Variants in NOVA2 observed in about 807,000 individuals in gnomAD.
NOVA2 encodes the protein NOVA alternative splicing regulator 2.
NOVA2 carries 9 observed loss-of-function variants against 22.5 expected under a neutral mutation model. That is an observed-to-expected ratio of 0.40 (90% CI 0.24 to 0.70). The LOEUF is 0.70. NOVA2 is among the 30% of genes least tolerant of loss of function. The probability of loss-of-function intolerance (pLI) is 0.38; values close to 1 mark genes in which losing one functional copy is unlikely to be tolerated. For missense variants in NOVA2, 383 were observed against 682.8 expected (o/e 0.56, Z 4.89); for synonymous variants, 318 against 335.2 (o/e 0.95, Z 0.56).
At chr19:45,941,309 A>AATATATATATATATATATATATATATAT (rs4039577) in intron 3 of NOVA2, among the ~76,000 whole-genome samples, 1 of 129,804 alleles carries the variant, frequency 7.7e-6, no homozygotes, top group African/African-American at 3.0e-5. Context: ...AAAATAAAAT[A>AATATATATATATATATATATATATATAT]ATATATATAT....
chr19:45,939,859 G>T lies in NOVA2; in HGVS notation c.*4C>A. On this transcript the variant is annotated 3_prime_UTR_variant, in exon 4 of 4. Transcript: ENST00000263257. ...GAAAAGGGTGGGAGCACACACCACA[G>T]GCCTCATCCCACTTTCTGGGGGTTT... The T allele has an allele frequency of 6.2e-7, 1 of 1,614,030 alleles. No individual in the cohort carries two copies. The highest frequency in any genetic ancestry group is 8.5e-7 in the Non-Finnish European group (1 of 1,179,970).
At position 45,938,215 on chromosome 19, in the gene NOVA2, G is replaced by A. The variant is rs1967685348; in HGVS notation, c.*1648C>T. 2 of 152,388 alleles carry A rather than the reference G, an allele frequency of 1.3e-5. No individual in the cohort carries two copies. The highest frequency in any genetic ancestry group is 4.8e-5 in the African/African-American group (2 of 41,514). The allele number at this position is 152,388 out of a possible 1,614,324, so 9.4% of individuals were successfully genotyped here. ...CCCTGAAATCTCAGTCTGCCAACAG[G>A]TCCTTAGAGCTGACCACAGCCACAG... is the stretch of plus-strand genomic sequence containing the variant. On this transcript the variant is annotated 3_prime_UTR_variant, in exon 4 of 4. Transcript: ENST00000263257.
chr19:45,948,556 C>T (rs571573315), intron 3 of NOVA2, among the ~76,000 whole-genome samples: 7 of 146,434 alleles, frequency 4.8e-5, no homozygotes, highest in African/African-American at 7.6e-5. Context: ...GCCGAGATTG[C>T]GCCATTGCAC....
intron 3 of NOVA2, among the ~76,000 whole-genome samples, chr19:45,953,518 G>A (rs143061914): frequency 2.0e-5 from 3 of 152,106 alleles, no homozygotes; most frequent in African/African-American, 4.8e-5. Context: ...AGAAAGGATC[G>A]AACAATAGGG....
intron 3 of NOVA2, among the ~76,000 whole-genome samples, chr19:45,953,324 C>G (rs759268482): frequency 1.3e-5 from 2 of 152,186 alleles, no homozygotes; most frequent in Non-Finnish European, 2.9e-5. Flanking sequence ...AATGAAACAC[C>G]ACCTCTACCC....
rs4039577 is a variant in NOVA2, at chr19:45,941,309, A to AATATATAT, written c.397-372_397-365dup. 3.4e-4 allele frequency among the ~76,000 whole-genome samples: 44 copies of AATATATAT among 129,810 alleles called. No individual in the cohort carries two copies. In the East Asian group the frequency reaches 3.8e-3, roughly 11 times the overall value. The allele number at this position is 129,810 out of a possible 152,430, so 85.2% of individuals were successfully genotyped here. Reference sequence around the variant, plus strand: ...ACCCTGTCTCAAAATAAAATAAAATAATATATATATATATATATATAATTT... The same window carrying AATATATAT: ...ACCCTGTCTCAAAATAAAATAAAATAATATATATATATATATATATATATATATAATTT... On this transcript the variant is annotated intron_variant, in intron 3 of 3. Coordinates refer to ENST00000263257, the MANE Select transcript of NOVA2 (RefSeq NM_002516.4).
chr19:45,969,185 A>G (rs1050815344), intron 1 of NOVA2, among the ~76,000 whole-genome samples: 2 of 151,480 alleles, frequency 1.3e-5, no homozygotes, highest in Middle Eastern at 3.4e-3. Flanking sequence ...ACAAAACAAA[A>G]TAAACAACAA....
At chr19:45,968,025 TGTA>T (rs1376778563) in intron 1 of NOVA2, 1 of 152,046 alleles carries the variant, frequency 6.6e-6, no homozygotes, top group Non-Finnish European at 1.5e-5. Context: ...TTTGGGGTGT[TGTA>T]GTAAGAGTGG....
chr19:45,965,922 G>T (rs551748313), intron 1 of NOVA2, among the ~76,000 whole-genome samples: 1 of 152,318 alleles, frequency 6.6e-6, no homozygotes, highest in South Asian at 2.1e-4. Flanking sequence ...GCACATAGAA[G>T]ATTTGAGAAA....
intron 3 of NOVA2, among the ~76,000 whole-genome samples, chr19:45,947,312 C>A (rs954582570): frequency 1.3e-5 from 2 of 151,884 alleles, no homozygotes; most frequent in Non-Finnish European, 2.9e-5. Flanking sequence ...CGCCCACAGG[C>A]CCAAGCAGGA....
At position 45,936,924 on chromosome 19, in the gene NOVA2, T is replaced by A. The variant is rs2146403031; in HGVS notation, c.*2939A>T. On this transcript the variant is annotated 3_prime_UTR_variant, in exon 4 of 4. Coordinates refer to ENST00000263257, the MANE Select transcript of NOVA2 (RefSeq NM_002516.4). ...AAAGAGATGATGGGTTTTTCAATAA[T>A]CCTCATCCCTGACCCCACATCTGTG... The A allele has an allele frequency of 6.6e-6, 1 of 152,158 alleles. No homozygotes were observed. The highest frequency in any genetic ancestry group is 1.5e-5 in the Non-Finnish European group (1 of 68,008). 9.4% of individuals were successfully genotyped at this position (152,158 alleles called of 1,614,324 possible). A position where few individuals can be genotyped will look rare whatever the true frequency, so the allele number is the denominator to read the frequency against.
chr19:45,939,750 A>T lies in NOVA2; in HGVS notation c.*113T>A. On this transcript the variant is annotated 3_prime_UTR_variant, in exon 4 of 4. Coordinates refer to ENST00000263257, the MANE Select transcript of NOVA2 (RefSeq NM_002516.4). Reference sequence around the variant, plus strand: ...GTGCAGTCGGGCCTACCCCAGCCCCATCCCAAGAGGAGCAGGACTACACCA... The same window carrying T: ...GTGCAGTCGGGCCTACCCCAGCCCCTTCCCAAGAGGAGCAGGACTACACCA... 1 of 1,389,864 alleles carries T rather than the reference A, an allele frequency of 7.2e-7. No homozygotes were observed. The highest frequency in any genetic ancestry group is 1.3e-5 in the South Asian group (1 of 78,850). The allele number at this position is 1,389,864 out of a possible 1,614,324, so 86.1% of individuals were successfully genotyped here.
In NOVA2 at chr19:45,940,031, G is replaced by C. The variant is rs1967721721; in HGVS notation, c.1311C>G (p.Gly437=). Residue 437 remains glycine, a synonymous_variant, in exon 4 of 4, where the codon GGC becomes GGG. Coordinates refer to ENST00000263257, the MANE Select transcript of NOVA2 (RefSeq NM_002516.4). Reference sequence around the variant, plus strand: ...CCTTCTTGGAGATCTGGATGCGAGCGCCCGTCAGCTCCTGGTACTCCACCA... The same window carrying C: ...CCTTCTTGGAGATCTGGATGCGAGCCCCCGTCAGCTCCTGGTACTCCACCA... The part of the protein sequence containing the change: ...KTLVEYQELT[G]ARIQISKKGE... 3.1e-6 allele frequency: 5 copies of C among 1,613,898 alleles called. No homozygotes were observed. The highest frequency in any genetic ancestry group is 4.2e-6 in the Non-Finnish European group (5 of 1,179,960).
At chr19:45,953,712 A>ATGTGGGAG (rs1430209861) in intron 3 of NOVA2, 68 bp downstream of exon 3, 2 of 1,576,468 alleles carry the variant, frequency 1.3e-6, no homozygotes, top group Non-Finnish European at 8.7e-7. Flanking sequence ...GTAAGCAGTG[A>ATGTGGGAG]TGTGGGAGGA....
chr19:45,938,295 C>T lies in NOVA2; in HGVS notation c.*1568G>A, dbSNP rs1334102953. 1 of 152,412 alleles carries T rather than the reference C, an allele frequency of 6.6e-6. No individual in the cohort carries two copies. Among genetic ancestry groups the T allele is most frequent in the East Asian group, 1.9e-4 (1 of 5,194 alleles). The allele number at this position is 152,412 out of a possible 1,614,324, so 9.4% of individuals were successfully genotyped here. On this transcript the variant is annotated 3_prime_UTR_variant, in exon 4 of 4. Coordinates refer to ENST00000263257, the MANE Select transcript of NOVA2 (RefSeq NM_002516.4). ...TCAAGGCCGCCTGGCTTGTCAGACT[C>T]CATCAGAACATTCTAGTTCTCCAGA...
chr19:45,968,477 A>G (rs1458125723), intron 1 of NOVA2, among the ~76,000 whole-genome samples: 1 of 151,968 alleles, frequency 6.6e-6, no homozygotes, highest in Non-Finnish European at 1.5e-5. Context: ...TGCTGCCTTG[A>G]GTTGTGACGG....
At chr19:45,942,188 T>C (rs573544337) in intron 3 of NOVA2, among the ~76,000 whole-genome samples, 2 of 152,330 alleles carry the variant, frequency 1.3e-5, no homozygotes, top group African/African-American at 4.8e-5. Context: ...CAAATTCATA[T>C]GTTGAAGGCG....
rs1244642125 is a variant in NOVA2 at position 45,973,426 on chromosome 19, G to T, written c.-75C>A. On this transcript the variant is annotated 5_prime_UTR_variant, in exon 1 of 4. Coordinates refer to ENST00000263257, the MANE Select transcript of NOVA2 (RefSeq NM_002516.4). ...GGCGGCGGCGGCTGCTGTGGCGGCGGCGACGGCTGCTGGGGAGGCTGGGGT... is the reference window on the plus strand; with the variant it reads ...GGCGGCGGCGGCTGCTGTGGCGGCGTCGACGGCTGCTGGGGAGGCTGGGGT... The T allele has an allele frequency of 4.0e-6, 1 of 249,724 alleles. No homozygotes were observed. Among genetic ancestry groups the T allele is most frequent in the Non-Finnish European group, 6.4e-6 (1 of 155,128 alleles). The allele number at this position is 249,724 out of a possible 1,614,324, so 15.5% of individuals were successfully genotyped here.
In NOVA2 at chr19:45,968,884, C is replaced by T. The variant is rs190251760; in HGVS notation, c.85+4383G>A. ...CTTCGTGATAAAGAATGTGGCCGGG[C>T]GTGCTGGCTCACGCCTGTAATCCCA... On this transcript the variant is annotated intron_variant, in intron 1 of 3. Coordinates refer to ENST00000263257, the MANE Select transcript of NOVA2 (RefSeq NM_002516.4). 5.3e-4 allele frequency among the ~76,000 whole-genome samples: 80 copies of T among 152,218 alleles called. 1 individual carries two copies. The highest frequency in any genetic ancestry group is 4.8e-3 in the Admixed American group (74 of 15,286).
Sources: gnomAD v4.1 joint callset for allele counts (sites outside exome capture counted in the v4.1 genomes callset) on GRCh38, gnomAD v4.1.1 for gene constraint, MANE v1.5 for transcripts, NCBI Gene and HGNC (gene_info 2026-07-23, HGNC 2026-07-21) for gene names.